The following GALK2 variants were observed in gnomAD, a reference collection of about 807,000 sequenced individuals.
GALK2 encodes galactokinase 2, also known as N-acetylgalactosamine kinase.
GALK2 carries 36 observed loss-of-function variants against 52.4 expected under a neutral mutation model. That is an observed-to-expected ratio of 0.69 (90% CI 0.53 to 0.91). The LOEUF (loss-of-function observed/expected upper bound fraction) is 0.91, where lower values mean the gene tolerates loss of function less well. GALK2 is among the 40% of genes least tolerant of loss of function. The pLI is 0.00. For synonymous variants in GALK2, 176 were observed against 199.1 expected, an observed-to-expected ratio of 0.88 and a Z score of 0.98; for missense variants, 579 against 559.1, an observed-to-expected ratio of 1.04 and a Z score of -0.36.
intron 1 of GALK2, among the ~76,000 whole-genome samples, chr15:49,164,951 A>T (rs2141156453): frequency 6.6e-6 from 1 of 152,188 alleles, no homozygotes; most frequent in South Asian, 2.1e-4. Flanking sequence ...CATTTTGATG[A>T]TGGAATGTAT....
intron 1 of GALK2, among the ~76,000 whole-genome samples, chr15:49,178,027 G>A (rs145898954): frequency 0.082 from 12,375 of 150,540 alleles, 651 homozygotes; most frequent in Middle Eastern, 0.16. Context: ...AAATTAGCTG[G>A]GTGTGGTGGC....
intron 5 of GALK2, among the ~76,000 whole-genome samples, chr15:49,264,579 A>C (rs1402387878): frequency 2.6e-5 from 4 of 152,218 alleles, no homozygotes; most frequent in African/African-American, 9.6e-5. Context: ...AGCTCGTCAA[A>C]GTCATTCTCC....
chr15:49,218,648 T>A (rs3098620), intron 3 of GALK2, among the ~76,000 whole-genome samples: 51,682 of 152,044 alleles, frequency 0.34, 9,379 homozygotes, highest in East Asian at 0.58. Flanking sequence ...TCCATTTGTT[T>A]TAGCATTCAT....
chr15:49,300,202 G>T (rs1334471106), intron 8 of GALK2, among the ~76,000 whole-genome samples: 1 of 151,834 alleles, frequency 6.6e-6, no homozygotes, highest in South Asian at 2.1e-4. Flanking sequence ...GCCCATTTTT[G>T]ACCTTTTTGA....
At chr15:49,348,219 G>C (rs2041802056) in intron 3 of GALK2, among the ~76,000 whole-genome samples, 1 of 152,056 alleles carries the variant, frequency 6.6e-6, no homozygotes. Flanking sequence ...GGGTTGCTTT[G>C]AAGGACTTTG....
At chr15:49,360,511 G>T (rs2044026056) in intron 3 of GALK2, among the ~76,000 whole-genome samples, 1 of 152,014 alleles carries the variant, frequency 6.6e-6, no homozygotes, top group Non-Finnish European at 1.5e-5. Flanking sequence ...TAAATTTTTG[G>T]GTATTCTTTG....
intron 9 of GALK2, among the ~76,000 whole-genome samples, chr15:49,323,192 G>C (rs1005636599): frequency 6.6e-6 from 1 of 152,100 alleles, no homozygotes; most frequent in Non-Finnish European, 1.5e-5. Flanking sequence ...GTCTCACTGG[G>C]TCAGGCAGAG....
At chr15:49,269,141 G>T (rs1366078500) in intron 5 of GALK2, among the ~76,000 whole-genome samples, 1 of 152,186 alleles carries the variant, frequency 6.6e-6, no homozygotes, top group African/African-American at 2.4e-5. Flanking sequence ...GGATTAGAGT[G>T]TACTTGGGCT....
chr15:49,175,108 C>T (rs2085351075), intron 1 of GALK2, among the ~76,000 whole-genome samples: 1 of 152,124 alleles, frequency 6.6e-6, no homozygotes, highest in Non-Finnish European at 1.5e-5. Context: ...AGTGGGTAAA[C>T]ATATATGTAA....
intron 8 of GALK2, among the ~76,000 whole-genome samples, chr15:49,308,088 A>G (rs1013164199): frequency 2.6e-5 from 4 of 152,220 alleles, no homozygotes; most frequent in African/African-American, 7.2e-5. Flanking sequence ...TCCAGCTTCA[A>G]TGAGGATTAT....
chr15:49,332,083 C>A (rs568032598), downstream of GALK2, among the ~76,000 whole-genome samples: 1 of 107,394 alleles, frequency 9.3e-6, no homozygotes, highest in Non-Finnish European at 1.9e-5. Context: ...CATGTGCACA[C>A]GTGCCACACA....
intron 5 of GALK2, among the ~76,000 whole-genome samples, chr15:49,245,227 A>C (rs1186604591): frequency 2.6e-5 from 4 of 152,176 alleles, no homozygotes; most frequent in African/African-American, 9.7e-5. Flanking sequence ...AAAATGAAAC[A>C]ACAGGCAATA....
intron 5 of GALK2, among the ~76,000 whole-genome samples, chr15:49,248,060 G>C (rs2091434688): frequency 6.6e-6 from 1 of 152,136 alleles, no homozygotes; most frequent in African/African-American, 2.4e-5. Flanking sequence ...ACTTTTCTGA[G>C]TTTACAAGTG....
chr15:49,200,008 G>T (rs1183034673), intron 1 of GALK2, among the ~76,000 whole-genome samples: 1 of 151,946 alleles, frequency 6.6e-6, no homozygotes, highest in African/African-American at 2.4e-5. Flanking sequence ...TTTTGGGTGT[G>T]GGTCTCTGTT....
chr15:49,319,665 C>T lies in GALK2; in HGVS notation c.1029C>T (p.Leu343=). ...KHVYSEAARV[L]QFKKICEEAP... ...TGTACAGCGAGGCTGCGCGAGTGCT[C>T]CAGTTTAAGAAGATATGTGAAGAAG... Residue 343 remains leucine (L), a synonymous_variant, in exon 9 of 10, where the codon CTC becomes CTT. Transcript: ENST00000560031. 6.2e-7 allele frequency: 1 copy of T among 1,614,098 alleles called. No homozygotes were observed. Among genetic ancestry groups the T allele is most frequent in the Non-Finnish European group, 8.5e-7 (1 of 1,180,010 alleles).
At chr15:49,323,689 T>C (rs1335550955) in intron 9 of GALK2, among the ~76,000 whole-genome samples, 1 of 152,168 alleles carries the variant, frequency 6.6e-6, no homozygotes, top group South Asian at 2.1e-4. Flanking sequence ...TATAGGACAA[T>C]GTATAGAACA....
chr15:49,253,352 C>G (rs1463238315), intron 5 of GALK2, among the ~76,000 whole-genome samples: 1 of 144,248 alleles, frequency 6.9e-6, no homozygotes, highest in Non-Finnish European at 1.6e-5. Flanking sequence ...CAGGTGTGAC[C>G]TTTTATCTTT....
At chr15:49,268,232 AC>A (rs1334918557) in intron 5 of GALK2, among the ~76,000 whole-genome samples, 2 of 152,228 alleles carry the variant, frequency 1.3e-5, no homozygotes, top group Non-Finnish European at 2.9e-5. Flanking sequence ...AAATATCTGT[AC>A]ACAGATTGTG....
chr15:49,166,893 A>G (rs1219274083), upstream of GALK2, among the ~76,000 whole-genome samples: 2 of 152,236 alleles, frequency 1.3e-5, no homozygotes, highest in African/African-American at 4.8e-5. Flanking sequence ...GGTTGCACAA[A>G]CAGATTAAAC....
Sources: allele counts gnomAD v4.1 joint callset (sites outside exome capture counted in the v4.1 genomes callset), GRCh38; gene constraint gnomAD v4.1.1; transcripts MANE v1.5; gene names NCBI Gene and HGNC (gene_info 2026-07-23, HGNC 2026-07-21).